Variants in SLC4A4 observed in about 807,000 individuals in gnomAD.
SLC4A4 encodes solute carrier family 4 member 4, also known as electrogenic sodium bicarbonate cotransporter 1.
In SLC4A4, 27 loss-of-function variants were observed where a neutral mutation model predicts 111.5. The ratio of observed to expected loss-of-function variants is 0.24; its 90% CI spans 0.18 to 0.33. SLC4A4 has a LOEUF of 0.33. Ranked by LOEUF, SLC4A4 falls within the 10% of genes least tolerant of loss-of-function variation. The pLI, the probability that SLC4A4 is intolerant of heterozygous loss-of-function variation, is 1.00. For synonymous variants in SLC4A4, 443 were observed against 463.4 expected (o/e 0.96, Z 0.57); for missense variants, 909 against 1,315.5 (o/e 0.69, Z 4.78).
intron 1 of SLC4A4, among the ~76,000 whole-genome samples, chr4:71,086,213 A>G (rs1179707524): frequency 3.3e-5 from 5 of 151,502 alleles, no homozygotes; most frequent in Admixed American, 1.3e-4. Flanking sequence ...TTTGTCTGTT[A>G]TTGGTGTATA....
chr4:71,234,427 A>C (rs564067730), intron 1 of SLC4A4, among the ~76,000 whole-genome samples: 7 of 152,128 alleles, frequency 4.6e-5, no homozygotes, highest in African/African-American at 7.2e-5. Flanking sequence ...TGACTTCTTA[A>C]GTCTTTTCTT....
chr4:71,122,659 C>A (rs1159641691), intron 2 of SLC4A4, among the ~76,000 whole-genome samples: 1 of 152,082 alleles, frequency 6.6e-6, no homozygotes, highest in African/African-American at 2.4e-5. Flanking sequence ...GGTGCCTACC[C>A]TCCGGTGGCA....
At chr4:71,189,371 AC>A (rs1206297924) in intron 1 of SLC4A4, among the ~76,000 whole-genome samples, 1 of 152,218 alleles carries the variant, frequency 6.6e-6, no homozygotes, top group East Asian at 1.9e-4. Flanking sequence ...GAATGTTAGT[AC>A]TATGATTTCA....
intron 6 of SLC4A4, among the ~76,000 whole-genome samples, chr4:71,394,478 C>T (rs1488913513): frequency 6.6e-6 from 1 of 151,944 alleles, no homozygotes; most frequent in Non-Finnish European, 1.5e-5. Context: ...CAAGAATGGC[C>T]ATAATCAAAA....
intron 14 of SLC4A4, among the ~76,000 whole-genome samples, chr4:71,483,864 T>C (rs980461679): frequency 2.6e-5 from 4 of 152,010 alleles, no homozygotes; most frequent in African/African-American, 9.7e-5. Flanking sequence ...GTAATAGCCA[T>C]TCTGACTGGT....
chr4:71,546,579 C>T (rs1735541545), intron 19 of SLC4A4, 51 bp downstream of exon 19: 6 of 1,468,288 alleles, frequency 4.1e-6, no homozygotes, highest in Non-Finnish European at 5.7e-6. Context: ...GTGCACACAT[C>T]TATGTGGCAA....
Position 71,236,584 on chromosome 4 carries a change from A to C in SLC4A4, c.8A>C (p.Asp3Ala). 6.2e-7 allele frequency: 1 copy of C among 1,613,532 alleles called. No individual in the cohort carries two copies. Among genetic ancestry groups the C allele is most frequent in the Non-Finnish European group, 8.5e-7 (1 of 1,179,548 alleles). ME[D>A]EAVLDRGASF... ...CTTTTTTATTACTATAGGATGGAGG[A>C]TGAAGCTGTCCTGGACAGAGGGGCT... Residue 3 changes from aspartate (D) to alanine (A), a missense_variant, in exon 2 of 26, where the codon GAT becomes GCT. This residue lies in a region of SLC4A4 where 117 missense variants were observed against 154.2 expected (regional missense o/e 0.76). Transcript: ENST00000264485.
At chr4:71,352,124 A>G (rs1729896888) in intron 5 of SLC4A4, among the ~76,000 whole-genome samples, 1 of 152,180 alleles carries the variant, frequency 6.6e-6, no homozygotes, top group African/African-American at 2.4e-5. Flanking sequence ...TGCAAGAAAG[A>G]TTGTTATCCA....
intron 18 of SLC4A4, among the ~76,000 whole-genome samples, chr4:71,536,616 C>T (rs1734526825): frequency 6.6e-6 from 1 of 150,454 alleles, no homozygotes; most frequent in Non-Finnish European, 1.5e-5. Context: ...CCTGCCTCAG[C>T]CTCCCGAGTA....
chr4:71,175,996 A>G (rs551514244), intron 2 of SLC4A4, among the ~76,000 whole-genome samples: 1 of 152,338 alleles, frequency 6.6e-6, no homozygotes, highest in Non-Finnish European at 1.5e-5. Context: ...AGGAACGATC[A>G]GGCAGCAACA....
At chr4:71,463,700 C>T (rs1356830508) in intron 12 of SLC4A4, among the ~76,000 whole-genome samples, 2 of 152,080 alleles carry the variant, frequency 1.3e-5, no homozygotes, top group African/African-American at 4.8e-5. Context: ...GCCTGTTGAC[C>T]TTTGATAAGT....
intron 10 of SLC4A4, 39 bp downstream of exon 10, chr4:71,450,582 T>G (rs1380289486): frequency 1.3e-6 from 2 of 1,593,822 alleles, no homozygotes; most frequent in Non-Finnish European, 1.7e-6. Context: ...GTAGCTGAGA[T>G]GACTCTGAGA....
chr4:71,255,790 G>A (rs1721409240), intron 3 of SLC4A4, among the ~76,000 whole-genome samples: 1 of 152,120 alleles, frequency 6.6e-6, no homozygotes, highest in Admixed American at 6.6e-5. Flanking sequence ...AGATGAGAGT[G>A]TATGTCTATA....
intron 12 of SLC4A4, among the ~76,000 whole-genome samples, chr4:71,462,831 C>T (rs1726968885): frequency 2.0e-5 from 3 of 152,112 alleles, no homozygotes; most frequent in African/African-American, 7.2e-5. Context: ...CATACTAACT[C>T]CAGGAAGCAT....
chr4:71,434,899 C>T (rs922766446), intron 7 of SLC4A4, among the ~76,000 whole-genome samples: 13 of 152,082 alleles, frequency 8.5e-5, no homozygotes, highest in Non-Finnish European at 1.6e-4. Context: ...AACTACAAAC[C>T]ACTGCTCAAC....
At chr4:71,144,652 A>G (rs987996785) in intron 2 of SLC4A4, among the ~76,000 whole-genome samples, 5 of 151,424 alleles carry the variant, frequency 3.3e-5, no homozygotes, top group Non-Finnish European at 7.4e-5. Flanking sequence ...CTCCTTGAAG[A>G]GGTCCTTCAC....
intron 6 of SLC4A4, among the ~76,000 whole-genome samples, chr4:71,361,241 C>T (rs918101086): frequency 2.6e-5 from 4 of 152,140 alleles, no homozygotes; most frequent in Non-Finnish European, 2.9e-5. Context: ...CCCTGGTAAC[C>T]GGTTTTCAAA....
At chr4:71,321,891 C>G (rs988708092) in intron 3 of SLC4A4, among the ~76,000 whole-genome samples, 1 of 151,972 alleles carries the variant, frequency 6.6e-6, no homozygotes, top group South Asian at 2.1e-4. Flanking sequence ...TGTCTGAGAA[C>G]AGTGAAACTA....
At chr4:71,525,131 T>A (rs1472779112) in intron 16 of SLC4A4, among the ~76,000 whole-genome samples, 1 of 152,174 alleles carries the variant, frequency 6.6e-6, no homozygotes, top group African/African-American at 2.4e-5. Flanking sequence ...TCATGGATAT[T>A]ATGTTTATAA....
Sources: gnomAD v4.1 joint callset for allele counts (sites outside exome capture counted in the v4.1 genomes callset) on GRCh38, gnomAD v4.1.1 for gene constraint, gnomAD v4.1.1 regional missense constraint, MANE v1.5 for transcripts, NCBI Gene and HGNC (gene_info 2026-07-23, HGNC 2026-07-21) for gene names.